Variants in SLC71A2 observed in about 807,000 individuals in gnomAD.
SLC71A2 encodes the protein solute carrier family 71 member 2.
At chr9:94,380,092 C>T in the SLC71A2 span, among the ~76,000 whole-genome samples, 1 of 152,042 alleles carries the variant, frequency 6.6e-6, no homozygotes, top group African/African-American at 2.4e-5. Context: ...GCGGTGAAAC[C>T]CTGTCTCTAC....
the SLC71A2 span, among the ~76,000 whole-genome samples, chr9:94,422,114 C>T: frequency 6.6e-6 from 1 of 152,248 alleles, no homozygotes; most frequent in African/African-American, 2.4e-5. Flanking sequence ...AAACTCCTGG[C>T]GTCAAGTGAT....
chr9:94,457,157 GGTTTCGCCAT>G, the SLC71A2 span, among the ~76,000 whole-genome samples: 1 of 152,046 alleles, frequency 6.6e-6, no homozygotes, highest in Non-Finnish European at 1.5e-5. Context: ...GTGGAGATGG[GGTTTCGCCAT>G]GTTGCCCAGC....
chr9:94,439,346 A>C, the SLC71A2 span, among the ~76,000 whole-genome samples: 1 of 149,620 alleles, frequency 6.7e-6, no homozygotes, highest in Non-Finnish European at 1.5e-5. Flanking sequence ...TCGGGAGAGT[A>C]TTTAGCATGT....
At chr9:94,382,394 TTTG>T in the SLC71A2 span, among the ~76,000 whole-genome samples, 6 of 151,676 alleles carry the variant, frequency 4.0e-5, no homozygotes, top group East Asian at 9.7e-4. Context: ...TTGCCTATTT[TTTG>T]TTGTTGTTGT....
chr9:94,414,617 T>C, the SLC71A2 span, among the ~76,000 whole-genome samples: 1 of 152,184 alleles, frequency 6.6e-6, no homozygotes, highest in African/African-American at 2.4e-5. Flanking sequence ...GATTTTCTAC[T>C]AAAGCTCCAG....
the SLC71A2 span, among the ~76,000 whole-genome samples, chr9:94,448,630 AC>A: frequency 6.6e-6 from 1 of 152,176 alleles, no homozygotes; most frequent in South Asian, 2.1e-4. Flanking sequence ...TATAAATAAA[AC>A]CTTTTTACTT....
the SLC71A2 span, among the ~76,000 whole-genome samples, chr9:94,418,512 G>A: frequency 1.3e-4 from 19 of 151,854 alleles, no homozygotes; most frequent in Non-Finnish European, 1.6e-4. Flanking sequence ...GCATGATCTC[G>A]GCTCACTGCA....
chr9:94,376,617 A>C, the SLC71A2 span, among the ~76,000 whole-genome samples: 1 of 135,390 alleles, frequency 7.4e-6, no homozygotes, highest in Non-Finnish European at 1.6e-5. Flanking sequence ...CGATAAGTTA[A>C]CGTAACTCCT....
the SLC71A2 span, among the ~76,000 whole-genome samples, chr9:94,421,954 C>T: frequency 1.1e-3 from 157 of 148,872 alleles, no homozygotes; most frequent in East Asian, 0.018. Flanking sequence ...GGCTCTGTTG[C>T]CCAGGCTGGA....
the SLC71A2 span, among the ~76,000 whole-genome samples, chr9:94,457,295 T>G: frequency 6.6e-6 from 1 of 152,138 alleles, no homozygotes; most frequent in Non-Finnish European, 1.5e-5. Flanking sequence ...ATGGCTAGAT[T>G]TAATCTCTTT....
chr9:94,412,436 A>C, the SLC71A2 span, among the ~76,000 whole-genome samples: 1 of 152,196 alleles, frequency 6.6e-6, no homozygotes, highest in African/African-American at 2.4e-5. Context: ...CTAGAATGCT[A>C]ATAAAAGGAT....
the SLC71A2 span, chr9:94,459,014 A>T: frequency 3.6e-6 from 3 of 832,292 alleles, no homozygotes; most frequent in Non-Finnish European, 5.7e-6. Flanking sequence ...GCTCTAGTGG[A>T]GTTTGCCTTG....
chr9:94,427,244 C>T, the SLC71A2 span, among the ~76,000 whole-genome samples: 2 of 152,020 alleles, frequency 1.3e-5, no homozygotes, highest in Admixed American at 1.3e-4. Flanking sequence ...TTATTATTGA[C>T]TTGTTTTACT....
the SLC71A2 span, among the ~76,000 whole-genome samples, chr9:94,448,356 A>G: frequency 1.3e-5 from 2 of 150,650 alleles, no homozygotes; most frequent in Non-Finnish European, 2.9e-5. Flanking sequence ...CAATTAAAAA[A>G]AAGAAAACCA....
the SLC71A2 span, among the ~76,000 whole-genome samples, chr9:94,453,230 A>C: frequency 6.7e-6 from 1 of 149,460 alleles, no homozygotes; most frequent in African/African-American, 2.5e-5. Flanking sequence ...GCTCACTGCA[A>C]CCTCTGCCTC....
chr9:94,447,324 C>T, the SLC71A2 span, among the ~76,000 whole-genome samples: 6 of 151,800 alleles, frequency 4.0e-5, no homozygotes, highest in South Asian at 6.2e-4. Context: ...GGATTACAGG[C>T]GTGCACTACC....
the SLC71A2 span, among the ~76,000 whole-genome samples, chr9:94,411,170 T>C: frequency 0.022 from 3,252 of 149,230 alleles, 119 homozygotes; most frequent in African/African-American, 0.076. Flanking sequence ...TTCTTTTCTT[T>C]TTAGCAATCT....
the SLC71A2 span, among the ~76,000 whole-genome samples, chr9:94,453,444 G>A: frequency 6.6e-6 from 1 of 152,010 alleles, no homozygotes; most frequent in African/African-American, 2.4e-5. Context: ...CACCACACCC[G>A]GCCAGCCCAG....
the SLC71A2 span, among the ~76,000 whole-genome samples, chr9:94,445,580 G>GT: frequency 2.0e-5 from 3 of 152,140 alleles, no homozygotes; most frequent in Non-Finnish European, 4.4e-5. Flanking sequence ...GACCAGAGAC[G>GT]TTTAATTTGT....
Sources: gnomAD v4.1 joint callset for allele counts (sites outside exome capture counted in the v4.1 genomes callset) on GRCh38, gnomAD v4.1.1 for gene constraint, MANE v1.5 for transcripts, NCBI Gene and HGNC (gene_info 2026-07-23, HGNC 2026-07-21) for gene names.